MUC17: variants seen among roughly 807,000 people sequenced by gnomAD.
MUC17 encodes the protein mucin 17, cell surface associated.
A neutral mutation model predicts 170.3 loss-of-function variants in MUC17; 190 were observed. The observed-to-expected ratio is 1.12, with a 90% CI of 0.99 to 1.26. The LOEUF (loss-of-function observed/expected upper bound fraction) is 1.26. Among genes scored for constraint, MUC17 ranks in the 50% most tolerant of loss-of-function variants. The probability of loss-of-function intolerance (pLI) is 0.00; values close to 1 mark genes in which losing one functional copy is unlikely to be tolerated. For missense variants in MUC17, 6,415 were observed against 5,530.0 expected, an observed-to-expected ratio of 1.16 and a Z score of -5.08; for synonymous variants, 2,325 against 2,002.5, an observed-to-expected ratio of 1.16 and a Z score of -4.30.
chr7:101,041,304 T>G lies in MUC17; in HGVS notation c.9888T>G (p.Ser3296=). Residue 3296 remains serine, a synonymous_variant, in exon 3 of 13, where the codon TCT becomes TCG. Transcript: ENST00000306151. ...MPVSTTTVAS[S]ETSTLSTTPA... Reference sequence around the variant, plus strand: ...TCAGCACCACAACGGTGGCCAGTTCTGAAACGAGCACCCTTTCAACAACTC... The same window carrying G: ...TCAGCACCACAACGGTGGCCAGTTCGGAAACGAGCACCCTTTCAACAACTC... The G allele has an allele frequency of 6.2e-7, 1 of 1,611,110 alleles. No homozygotes were observed. Among genetic ancestry groups the G allele is most frequent in the Non-Finnish European group, 8.5e-7 (1 of 1,178,220 alleles).
In MUC17 at chr7:101,049,397, C is replaced by A; in HGVS notation, c.12722+15C>A. ...ACAAAGCTACGGTAAGTGTCTGGGC[C>A]CTTGGGAAGAGGGTCTGTGGCGTGG... On this transcript the variant is annotated intron_variant, in intron 6 of 12. Coordinates refer to ENST00000306151, the MANE Select transcript of MUC17 (RefSeq NM_001040105.2). The A allele has an allele frequency of 1.9e-6, 3 of 1,609,160 alleles. No individual in the cohort carries two copies. The highest frequency in any genetic ancestry group is 2.5e-6 in the Non-Finnish European group (3 of 1,177,584).
chr7:101,038,736 T>G lies in MUC17; in HGVS notation c.7320T>G (p.Thr2440=). 1 of 1,612,680 alleles carries G rather than the reference T, an allele frequency of 6.2e-7. No homozygotes were observed. The highest frequency in any genetic ancestry group is 8.5e-7 in the Non-Finnish European group (1 of 1,179,154). ...TSTEASSSPT[T]AEGTSIPTSP... ...CTGAAGCCAGTTCATCTCCTACAAC[T>G]GCTGAAGGTACCAGCATACCAACCT... Residue 2440 remains threonine, a synonymous_variant, in exon 3 of 13, where the codon ACT becomes ACG. Transcript: ENST00000306151.
intron 12 of MUC17, among the ~76,000 whole-genome samples, chr7:101,057,408 A>C (rs1056919196): frequency 2.0e-5 from 3 of 152,198 alleles, no homozygotes; most frequent in Admixed American, 6.6e-5. Flanking sequence ...GGAAGGCACA[A>C]TTGGTTTGTG....
chr7:101,029,195 GAAA>G (rs35238191), intron 1 of MUC17, among the ~76,000 whole-genome samples: 1 of 133,716 alleles, frequency 7.5e-6, no homozygotes, highest in Non-Finnish European at 1.6e-5. Context: ...TCTCAAAAAA[GAAA>G]AAAAAAAAAT....
rs774771904 is a variant in MUC17 at position 101,035,391 on chromosome 7, C to A, written c.3975C>A (p.Thr1325=). The A allele has an allele frequency of 6.2e-7, 1 of 1,606,616 alleles. No individual in the cohort carries two copies. The highest frequency in any genetic ancestry group is 8.5e-7 in the Non-Finnish European group (1 of 1,175,180). Residue 1325 remains threonine (T), a synonymous_variant, in exon 3 of 13, where the codon ACC becomes ACA. Transcript: ENST00000306151. The stretch of plus-strand genomic sequence containing the variant: ...CATCTCCTACACCTGCTGAAGGTAC[C>A]AGCATGCCAACCTCAACTTATAGTG... The part of the protein sequence containing the change: ...VSSSPTPAEG[T]SMPTSTYSEG...
In MUC17 at chr7:101,031,185, C is replaced by T. The variant is rs201971170; in HGVS notation, c.148C>T (p.Arg50Cys). The T allele has an allele frequency of 2.4e-5, 38 of 1,613,652 alleles. No individual in the cohort carries two copies. Among genetic ancestry groups the T allele is most frequent in the African/African-American group, 4.0e-5 (3 of 74,908 alleles). Reference sequence around the variant, plus strand: ...CATCTCCCAAGGGGACGTCTTGAACCGTCAGTGCCAGCAGCTGTCTCAGCA... The same window carrying T: ...CATCTCCCAAGGGGACGTCTTGAACTGTCAGTGCCAGCAGCTGTCTCAGCA... ...GCISQGDVLNRQCQQLSQHVR... is the reference protein window; with the variant it reads ...GCISQGDVLNCQCQQLSQHVR... Residue 50 changes from arginine (R) to cysteine (C), a missense_variant, in exon 2 of 13, where the codon CGT becomes TGT. By Grantham distance (180) the Arg-to-Cys change is radical. Coordinates refer to ENST00000306151, the MANE Select transcript of MUC17 (RefSeq NM_001040105.2).
At chr7:101,044,709 GT>G (rs1434012324) in intron 3 of MUC17, among the ~76,000 whole-genome samples, 2 of 152,072 alleles carry the variant, frequency 1.3e-5, no homozygotes, top group Non-Finnish European at 2.9e-5. Flanking sequence ...ACTCTGAGTG[GT>G]TTGTTTTCTT....
intron 9 of MUC17, 135 bp from the exon 10 acceptor site, chr7:101,052,851 G>T: frequency 1.0e-6 from 1 of 973,554 alleles, no homozygotes; most frequent in Non-Finnish European, 1.5e-6. Flanking sequence ...ATCCCCTCGG[G>T]GTGCCTTGCT....
rs2116403662 is a variant in MUC17 at position 101,031,202 on chromosome 7, G to A, written c.165G>A (p.Leu55=). 1.9e-6 allele frequency: 3 copies of A among 1,613,528 alleles called. No homozygotes were observed. The highest frequency in any genetic ancestry group is 2.2e-5 in the South Asian group (2 of 90,858). The change falls in exon 2 of 13, where the codon CTG becomes CTA. Residue 55 remains leucine, a synonymous_variant. Coordinates refer to ENST00000306151, the MANE Select transcript of MUC17 (RefSeq NM_001040105.2). ...TCTTGAACCGTCAGTGCCAGCAGCTGTCTCAGCACGTTAGGACAGGTAAGG... is the reference window on the plus strand; with the variant it reads ...TCTTGAACCGTCAGTGCCAGCAGCTATCTCAGCACGTTAGGACAGGTAAGG... The part of the protein sequence containing the change: ...GDVLNRQCQQ[L]SQHVRTGSAA...
At chr7:101,029,420 C>A (rs1042163478) in intron 1 of MUC17, among the ~76,000 whole-genome samples, 1 of 152,020 alleles carries the variant, frequency 6.6e-6, no homozygotes, top group Non-Finnish European at 1.5e-5. Context: ...ATGCCTTTCT[C>A]TGAAGATTCT....
At position 101,032,200 on chromosome 7, in the gene MUC17, G is replaced by A. The variant is rs376860156; in HGVS notation, c.784G>A (p.Gly262Ser). The A allele has an allele frequency of 3.1e-6, 5 of 1,614,170 alleles. No individual in the cohort carries two copies. Among genetic ancestry groups the A allele is most frequent in the Non-Finnish European group, 4.2e-6 (5 of 1,180,022 alleles). ...QASSSPTTAEGPSLSNSAPSG... is the reference protein window; with the variant it reads ...QASSSPTTAESPSLSNSAPSG... ...CAGTTCATCTCCTACAACTGCTGAA[G>A]GTCCCAGCCTGTCAAACTCAGCTCC... Residue 262 changes from glycine (G) to serine (S), a missense_variant, in exon 3 of 13, where the codon GGT becomes AGT. Coordinates refer to ENST00000306151, the MANE Select transcript of MUC17 (RefSeq NM_001040105.2).
At chr7:101,053,286 C>T (rs1794987166) in intron 10 of MUC17, 53 bp from the exon 11 acceptor site, 5 of 1,591,346 alleles carry the variant, frequency 3.1e-6, no homozygotes, top group Non-Finnish European at 4.3e-6. Flanking sequence ...GTCCCTGGTC[C>T]TTATTCCTGT....
At position 101,054,362 on chromosome 7, in the gene MUC17, AT is replaced by A. The variant is rs141720291; in HGVS notation, c.13363+930del. 2.9e-3 allele frequency among the ~76,000 whole-genome samples: 438 copies of A among 152,276 alleles called. 2 individuals carry two copies. The highest frequency in any genetic ancestry group is 0.01 in the African/African-American group (420 of 41,552). On this transcript the variant is annotated intron_variant, in intron 11 of 12. Coordinates refer to ENST00000306151, the MANE Select transcript of MUC17 (RefSeq NM_001040105.2). Reference sequence around the variant, plus strand: ...ACCTCAGTAAAGAGACTAACATTAGATTTTGCTAGGTTAAAGGCACATGTTA... The same window carrying A: ...ACCTCAGTAAAGAGACTAACATTAGATTTGCTAGGTTAAAGGCACATGTTA...
rs114763123 is a variant in MUC17, at chr7:101,047,942, A to G, written c.12404-42A>G. On this transcript the variant is annotated intron_variant, in intron 3 of 12. Transcript: ENST00000306151. The stretch of plus-strand genomic sequence containing the variant: ...CTGCTCCTTCCAGTGAGGTGCCTCA[A>G]TGGAGGAACTTGGAAAGAAAACTTC... 1,084 of 1,536,410 alleles carry G rather than the reference A, an allele frequency of 7.1e-4. 3 individuals are homozygous for G. The African/African-American group carries it at 0.013, about 19-fold the overall frequency.
In MUC17 at chr7:101,032,383, A is replaced by G; in HGVS notation, c.967A>G (p.Ser323Gly). ...SSSPTTAEGT[S>G]IPTSTYTEGS... ...ATCTCCTACAACGGCTGAAGGCACCAGCATACCAACCTCAACTTATACTGA... is the reference window on the plus strand; with the variant it reads ...ATCTCCTACAACGGCTGAAGGCACCGGCATACCAACCTCAACTTATACTGA... Residue 323 changes from serine (S) to glycine (G), a missense_variant, in exon 3 of 13, where the codon AGC becomes GGC. Transcript: ENST00000306151. 6.2e-7 allele frequency: 1 copy of G among 1,613,770 alleles called. No individual in the cohort carries two copies. The highest frequency in any genetic ancestry group is 8.5e-7 in the Non-Finnish European group (1 of 1,179,928).
At chr7:101,043,841 C>A (rs1794785863) in intron 3 of MUC17, 22 bp downstream of exon 3, 3 of 1,571,080 alleles carry the variant, frequency 1.9e-6, no homozygotes, top group Non-Finnish European at 2.6e-6. Context: ...CTTGAATTTT[C>A]CTTTTTTTTA....
In MUC17 at chr7:101,042,554, C is replaced by A. The variant is rs1450174325; in HGVS notation, c.11138C>A (p.Thr3713Asn). The A allele has an allele frequency of 1.2e-6, 2 of 1,614,118 alleles. No homozygotes were observed. Among genetic ancestry groups the A allele is most frequent in the African/African-American group, 1.3e-5 (1 of 75,020 alleles). Residue 3713 changes from threonine to asparagine, a missense_variant, in exon 3 of 13, where the codon ACC becomes AAC. By Grantham distance (65) the Thr-to-Asn change is moderately conservative. Coordinates refer to ENST00000306151, the MANE Select transcript of MUC17 (RefSeq NM_001040105.2). ...CGTGTGACCAGCTCTGAGGGTAGCA[C>A]CCTTTCAACACCTTCTGTTGTCACC... is the stretch of plus-strand genomic sequence containing the variant. Reference protein sequence around the residue: ...TTRVTSSEGSTLSTPSVVTST... With the variant: ...TTRVTSSEGSNLSTPSVVTST...
At position 101,041,716 on chromosome 7, in the gene MUC17, A is replaced by G. The variant is rs773632339; in HGVS notation, c.10300A>G (p.Thr3434Ala). The G allele has an allele frequency of 3.1e-6, 5 of 1,611,910 alleles. No homozygotes were observed. The highest frequency in any genetic ancestry group is 1.7e-4 in the Middle Eastern group (1 of 6,042). The change falls in exon 3 of 13, where the codon ACT becomes GCT. Residue 3434 changes from threonine (T) to alanine (A), a missense_variant. Transcript: ENST00000306151. ...CTCCAACACTCTGGTGACCACTTCT[A>G]CTGAAGCCAGTTCATCTCCTACAAT... ...VDSNTLVTTS[T>A]EASSSPTIAE...
At position 101,034,045 on chromosome 7, in the gene MUC17, G is replaced by T. The variant is rs1314493275; in HGVS notation, c.2629G>T (p.Val877Leu). 1 of 1,601,238 alleles carries T rather than the reference G, an allele frequency of 6.2e-7. No homozygotes were observed. Among genetic ancestry groups the T allele is most frequent in the African/African-American group, 1.4e-5 (1 of 74,056 alleles). ...LTSMPVSTTLVATSAISTLST... is the reference protein window; with the variant it reads ...LTSMPVSTTLLATSAISTLST... The stretch of plus-strand genomic sequence containing the variant: ...AAGTATGCCTGTCAGCACCACACTG[G>T]TGGCCACTTCTGCAATCAGCACCCT... Residue 877 changes from valine to leucine, a missense_variant, in exon 3 of 13, where the codon GTG becomes TTG. Physicochemically the swap from Val to Leu is conservative, Grantham distance 32. Coordinates refer to ENST00000306151, the MANE Select transcript of MUC17 (RefSeq NM_001040105.2).
Sources: allele counts gnomAD v4.1 joint callset (sites outside exome capture counted in the v4.1 genomes callset), GRCh38; gene constraint gnomAD v4.1.1; transcripts MANE v1.5; gene names NCBI Gene and HGNC (gene_info 2026-07-23, HGNC 2026-07-21).